The following SEMA4D variants were observed in gnomAD, a reference collection of about 807,000 sequenced individuals.
SEMA4D encodes the protein semaphorin-4D.
A neutral mutation model predicts 74.8 loss-of-function variants in SEMA4D; 22 were observed. The ratio of observed to expected loss-of-function variants is 0.29; its 90% CI spans 0.21 to 0.42. The LOEUF (loss-of-function observed/expected upper bound fraction) is 0.42. SEMA4D is among the 10% of genes least tolerant of loss of function. The pLI is 1.00. For missense variants in SEMA4D, 937 were observed against 1,118.4 expected (o/e 0.84, Z 2.31); for synonymous variants, 445 against 463.7 (o/e 0.96, Z 0.52).
chr9:89,407,439 C>G (rs1000442428), intron 2 of SEMA4D, among the ~76,000 whole-genome samples: 2 of 152,260 alleles, frequency 1.3e-5, no homozygotes, highest in South Asian at 2.1e-4. Context: ...GCCTATGAGA[C>G]CCTAGGCTAT....
chr9:89,452,084 T>C (rs1329889482), intron 2 of SEMA4D, among the ~76,000 whole-genome samples: 1 of 152,030 alleles, frequency 6.6e-6, no homozygotes, highest in Non-Finnish European at 1.5e-5. Flanking sequence ...TGGAAGCTTC[T>C]GGTTACTATA....
intron 2 of SEMA4D, among the ~76,000 whole-genome samples, chr9:89,422,490 C>G (rs73654786): frequency 0.011 from 1,604 of 152,320 alleles, 31 homozygotes; most frequent in African/African-American, 0.037. Flanking sequence ...AAGAGAGAGG[C>G]TGGAGCCTAC....
chr9:89,418,201 C>A lies in SEMA4D; in HGVS notation c.-243-12502G>T, dbSNP rs192897399. ...ACTCAGCAACACTCCTAGAAAGGCACTGAAAACAAATTATTGTGAGTTTAA... is the reference window on the plus strand; with the variant it reads ...ACTCAGCAACACTCCTAGAAAGGCAATGAAAACAAATTATTGTGAGTTTAA... On this transcript the variant is annotated intron_variant, in intron 2 of 15. Transcript: ENST00000422704. 1.4e-4 allele frequency: 108 copies of A among 767,268 alleles called. 1 individual carries two copies. In the African/African-American group the frequency reaches 1.4e-3, roughly 10 times the overall value. 47.5% of individuals were successfully genotyped at this position (767,268 alleles called of 1,614,324 possible).
intron 16 of SEMA4D, chr9:89,367,802 G>A (rs1833917543): frequency 6.6e-6 from 1 of 152,238 alleles, no homozygotes; most frequent in African/African-American, 2.4e-5. Context: ...CCAGGGCTGG[G>A]TTTATTACAT....
chr9:89,435,159 C>T (rs1850128118), intron 2 of SEMA4D, among the ~76,000 whole-genome samples: 1 of 152,034 alleles, frequency 6.6e-6, no homozygotes, highest in Non-Finnish European at 1.5e-5. Context: ...ATGTGGAGGA[C>T]AGAAATCCCC....
At chr9:89,472,248 CA>C in intron 1 of SEMA4D, 1 of 313,046 alleles carries the variant, frequency 3.2e-6, no homozygotes, top group Non-Finnish European at 6.2e-6. Context: ...TGGCAGCCAC[CA>C]AGGGCTGGGG....
At chr9:89,464,571 C>T (rs1858173008) in intron 1 of SEMA4D, among the ~76,000 whole-genome samples, 1 of 152,190 alleles carries the variant, frequency 6.6e-6, no homozygotes, top group African/African-American at 2.4e-5. Context: ...CAGGTCCTCT[C>T]CCTGCAAGAT....
intron 2 of SEMA4D, among the ~76,000 whole-genome samples, chr9:89,438,169 C>T (rs1850878216): frequency 6.6e-6 from 1 of 152,254 alleles, no homozygotes; most frequent in Non-Finnish European, 1.5e-5. Flanking sequence ...AGAGAATACT[C>T]AAGCCAAGCG....
Position 89,388,753 on chromosome 9 carries a change from C to A in SEMA4D, c.990G>T (p.Leu330=). Reference sequence around the variant, plus strand: ...GGGAGAAGACCTCCTCGGCTGTGGACAGGTTGTAGGCGCACACTGCCGACA... The same window carrying A: ...GGGAGAAGACCTCCTCGGCTGTGGAAAGGTTGTAGGCGCACACTGCCGACA... ...VGLSAVCAYN[L]STAEEVFSHG... Residue 330 remains leucine (L), a synonymous_variant, in exon 11 of 16, where the codon CTG becomes CTT. Transcript: ENST00000422704. 6.2e-7 allele frequency: 1 copy of A among 1,611,248 alleles called. No individual in the cohort carries two copies. Among genetic ancestry groups the A allele is most frequent in the Non-Finnish European group, 8.5e-7 (1 of 1,178,960 alleles).
At chr9:89,371,199 CTG>C (rs1184514855) in intron 16 of SEMA4D, among the ~76,000 whole-genome samples, 2 of 25,544 alleles carry the variant, frequency 7.8e-5, no homozygotes, top group African/African-American at 3.0e-4. Flanking sequence ...TGGTGTGTAT[CTG>C]GGGTGTGGTG....
intron 2 of SEMA4D, among the ~76,000 whole-genome samples, chr9:89,415,984 C>A (rs562625063): frequency 6.6e-6 from 1 of 152,194 alleles, no homozygotes; most frequent in East Asian, 1.9e-4. Flanking sequence ...AAAAGTTTTG[C>A]TTTAAGTGGA....
intron 3 of SEMA4D, among the ~76,000 whole-genome samples, chr9:89,404,994 A>C (rs58205648): frequency 4.1e-5 from 3 of 72,374 alleles, no homozygotes; most frequent in African/African-American, 1.9e-4. Context: ...TCAGCCACTC[A>C]CCTCAGCATC....
intron 1 of SEMA4D, among the ~76,000 whole-genome samples, chr9:89,468,874 C>T (rs1046456481): frequency 6.6e-6 from 1 of 152,096 alleles, no homozygotes; most frequent in Non-Finnish European, 1.5e-5. Context: ...CAAAGGCTAC[C>T]CCAGGGCTTA....
intron 2 of SEMA4D, among the ~76,000 whole-genome samples, chr9:89,444,835 G>C (rs1852456797): frequency 1.3e-5 from 2 of 151,998 alleles, no homozygotes; most frequent in African/African-American, 2.4e-5. Context: ...ATTAATAAAA[G>C]AAACTGGCAA....
intron 2 of SEMA4D, among the ~76,000 whole-genome samples, chr9:89,427,274 C>A (rs1247572343): frequency 6.6e-6 from 1 of 152,164 alleles, no homozygotes. Context: ...AAGAGGGGGG[C>A]AGCCTAAAAT....
intron 2 of SEMA4D, among the ~76,000 whole-genome samples, chr9:89,436,849 G>A (rs1850537594): frequency 1.3e-5 from 2 of 152,224 alleles, no homozygotes; most frequent in South Asian, 4.1e-4. Context: ...TGCAGGCCTG[G>A]CCACTACTTC....
chr9:89,420,150 G>T (rs1443723164), intron 2 of SEMA4D, among the ~76,000 whole-genome samples: 1 of 152,096 alleles, frequency 6.6e-6, no homozygotes, highest in Non-Finnish European at 1.5e-5. Flanking sequence ...CCAGCTGGGG[G>T]TTCATATCTA....
Position 89,379,025 on chromosome 9 carries a change from A to C in SEMA4D, c.2268T>G (p.Tyr756Ter), listed in dbSNP as rs1564526585. 6.2e-7 allele frequency: 1 copy of C among 1,611,976 alleles called. No individual in the cohort carries two copies. The highest frequency in any genetic ancestry group is 8.5e-7 in the Non-Finnish European group (1 of 1,178,820). The change falls in exon 16 of 16, where the codon TAT becomes TAG. Residue 756 changes from tyrosine to a stop codon, truncating the protein, a stop_gained. Coordinates refer to ENST00000422704, the MANE Select transcript of SEMA4D (RefSeq NM_001371194.2). LOFTEE classifies it high-confidence loss of function. ...AGCACTGTCTGGGCAGGTATCCCTT[A>C]TAGCAGTTGTAGAAAAAGAGGCAGA... Reference protein sequence around the residue: ...LFLCLFFYNCYKGYLPRQCLK... With the variant: ...LFLCLFFYNC
chr9:89,363,893 A>C, exon 17 of SEMA4D: 2 of 1,614,090 alleles, frequency 1.2e-6, no homozygotes, highest in Admixed American at 1.7e-5. Context: ...CTGCACAGGG[A>C]CACAGGTCTC....
Sources: allele counts gnomAD v4.1 joint callset (sites outside exome capture counted in the v4.1 genomes callset), GRCh38; gene constraint gnomAD v4.1.1; transcripts MANE v1.5; gene names NCBI Gene and HGNC (gene_info 2026-07-23, HGNC 2026-07-21).